The following DERA variants were observed in gnomAD, a reference collection of about 807,000 sequenced individuals.
The protein encoded by DERA is 2-deoxy-D-ribose 5-phosphate aldolase.
Under a neutral mutation model 41.1 loss-of-function variants are expected in DERA, and 15 were observed. The observed-to-expected ratio is 0.37, with a 90% CI of 0.24 to 0.56. DERA has a LOEUF of 0.56. Ranked by LOEUF, DERA falls within the 20% of genes least tolerant of loss-of-function variation. The pLI, the probability that DERA is intolerant of heterozygous loss-of-function variation, is 0.81. For missense variants in DERA, 396 were observed against 403.4 expected, an observed-to-expected ratio of 0.98 and a Z score of 0.16; for synonymous variants, 139 against 137.4, an observed-to-expected ratio of 1.01 and a Z score of -0.08.
At chr12:16,005,522 CT>C (rs1375470587) in intron 6 of DERA, among the ~76,000 whole-genome samples, 1 of 152,156 alleles carries the variant, frequency 6.6e-6, no homozygotes, top group Non-Finnish European at 1.5e-5. Flanking sequence ...GAACTATTTT[CT>C]GCTAAAACTG....
Position 15,984,040 on chromosome 12 carries a change from A to G in DERA, c.637+1604A>G, listed in dbSNP as rs934524469. ...GTAGCCCCCCTTTATGCTGCTTGCC[A>G]GCACAAGTGATTGTTAGCCCAGGTA... On this transcript the variant is annotated intron_variant, in intron 6 of 8. Transcript: ENST00000428559. The surrounding 1 kb of genome is among the most constrained non-coding windows in gnomAD (Gnocchi z 4.5). Among the ~76,000 whole-genome samples, 1 of 152,220 alleles carries G rather than the reference A, an allele frequency of 6.6e-6. No homozygotes were observed. Among genetic ancestry groups the G allele is most frequent in the African/African-American group, 2.4e-5 (1 of 41,452 alleles).
intron 5 of DERA, among the ~76,000 whole-genome samples, chr12:15,978,292 A>T (rs1428455944): frequency 6.6e-6 from 1 of 151,950 alleles, no homozygotes; most frequent in African/African-American, 2.4e-5. Context: ...GAAGTGGTCT[A>T]TTTTTTCTTA....
chr12:15,927,112 T>C (rs925203840), intron 1 of DERA, among the ~76,000 whole-genome samples: 2 of 152,238 alleles, frequency 1.3e-5, no homozygotes, highest in African/African-American at 4.8e-5. Context: ...ATAATTGATT[T>C]TGTTAAAGTT....
chr12:15,977,182 A>ACT (rs1948702923), intron 5 of DERA, among the ~76,000 whole-genome samples: 1 of 152,190 alleles, frequency 6.6e-6, no homozygotes, highest in Non-Finnish European at 1.5e-5. Context: ...TCAAGTGAGT[A>ACT]GTTTGAACTA....
In DERA at chr12:15,998,537, G is replaced by T. The variant is rs555762506; in HGVS notation, c.637+16101G>T. Among the ~76,000 whole-genome samples, 198 of 151,982 alleles carry T rather than the reference G, an allele frequency of 1.3e-3. 3 individuals are homozygous for T. Among genetic ancestry groups the T allele is most frequent in the African/African-American group, 4.7e-3 (195 of 41,434 alleles). On this transcript the variant is annotated intron_variant, in intron 6 of 8. Transcript: ENST00000428559. This position sits in a 1 kb window ranked among gnomAD's most constrained non-coding sequence, Gnocchi z 4.8. ...TCTTCATATTGGCCAGGCTGGTCTC[G>T]AACTCCTGACCTCAGGTGATCCGCC...
rs1948620539 is a variant in DERA, at chr12:15,966,069, T to C, written c.508+3122T>C. ...TCCCCAGCAACGTCCTCCTTTCTTC[T>C]CTTCCCTTCATGACTAAAATTCTGA... On this transcript the variant is annotated intron_variant, in intron 5 of 8. Coordinates refer to ENST00000428559, the MANE Select transcript of DERA (RefSeq NM_015954.4). This position sits in a 1 kb window ranked among gnomAD's most constrained non-coding sequence, Gnocchi z 5.1. Among the ~76,000 whole-genome samples, 1 of 152,174 alleles carries C rather than the reference T, an allele frequency of 6.6e-6. No homozygotes were observed. The highest frequency in any genetic ancestry group is 1.5e-5 in the Non-Finnish European group (1 of 68,022).
chr12:15,998,723 A>C lies in DERA; in HGVS notation c.637+16287A>C, dbSNP rs2136171724. On this transcript the variant is annotated intron_variant, in intron 6 of 8. Coordinates refer to ENST00000428559, the MANE Select transcript of DERA (RefSeq NM_015954.4). The surrounding 1 kb of genome is among the most constrained non-coding windows in gnomAD (Gnocchi z 4.8). ...TAGCATAGGCAGTCCACAGTTAACAAACCAATTGTTCTAGTAGTTATTTTC... is the reference window on the plus strand; with the variant it reads ...TAGCATAGGCAGTCCACAGTTAACACACCAATTGTTCTAGTAGTTATTTTC... 6.6e-6 allele frequency among the ~76,000 whole-genome samples: 1 copy of C among 152,146 alleles called. No individual in the cohort carries two copies. Among genetic ancestry groups the C allele is most frequent in the East Asian group, 1.9e-4 (1 of 5,170 alleles).
rs1948787936 is a variant in DERA at position 15,989,590 on chromosome 12, T to C, written c.637+7154T>C. Among the ~76,000 whole-genome samples, 1 of 152,218 alleles carries C rather than the reference T, an allele frequency of 6.6e-6. No individual in the cohort carries two copies. Among genetic ancestry groups the C allele is most frequent in the Non-Finnish European group, 1.5e-5 (1 of 68,048 alleles). On this transcript the variant is annotated intron_variant, in intron 6 of 8. Coordinates refer to ENST00000428559, the MANE Select transcript of DERA (RefSeq NM_015954.4). The surrounding 1 kb of genome is among the most constrained non-coding windows in gnomAD (Gnocchi z 5.2). ...TTTTTTAGTGCCTGAGTTTTATTGTTATTTATAGCAGGAGGGCGAGTCTGG... is the reference window on the plus strand; with the variant it reads ...TTTTTTAGTGCCTGAGTTTTATTGTCATTTATAGCAGGAGGGCGAGTCTGG...
In DERA at chr12:15,913,067, T is replaced by C. The variant is rs1183354930; in HGVS notation, c.31+1653T>C. Among the ~76,000 whole-genome samples, 3 of 152,238 alleles carry C rather than the reference T, an allele frequency of 2.0e-5. No individual in the cohort carries two copies. Among genetic ancestry groups the C allele is most frequent in the Non-Finnish European group, 4.4e-5 (3 of 68,034 alleles). ...ATTCCCAGGAATATGACCATGTGAC[T>C]ATGCATACATCAAGGATGTGCCCTA... On this transcript the variant is annotated intron_variant, in intron 1 of 8. Transcript: ENST00000428559. The surrounding 1 kb of genome is among the most constrained non-coding windows in gnomAD (Gnocchi z 4.5).
At position 15,936,154 on chromosome 12, in the gene DERA, T is replaced by A. The variant is rs540416503; in HGVS notation, c.32-20782T>A. Reference sequence around the variant, plus strand: ...GGTATTTCCACAATCTCCACTTGGTTACATAGGTCAGCTCTGTTAATTATG... The same window carrying A: ...GGTATTTCCACAATCTCCACTTGGTAACATAGGTCAGCTCTGTTAATTATG... On this transcript the variant is annotated intron_variant, in intron 1 of 8. Coordinates refer to ENST00000428559, the MANE Select transcript of DERA (RefSeq NM_015954.4). This position sits in a 1 kb window ranked among gnomAD's most constrained non-coding sequence, Gnocchi z 4.6. Among the ~76,000 whole-genome samples, 6 of 152,358 alleles carry A rather than the reference T, an allele frequency of 3.9e-5. No homozygotes were observed. The South Asian group carries it at 1.0e-3, about 26-fold the overall frequency.
chr12:15,944,673 G>A (rs1035844677), intron 1 of DERA, among the ~76,000 whole-genome samples: 2 of 152,190 alleles, frequency 1.3e-5, no homozygotes, highest in African/African-American at 2.4e-5. Context: ...CTCCCATTCT[G>A]TAGGTTGCCT....
chr12:15,962,622 T>G (rs1948595342), intron 4 of DERA, 191 bp from the exon 5 acceptor site: 1 of 473,780 alleles, frequency 2.1e-6, no homozygotes, highest in East Asian at 3.2e-5. Flanking sequence ...ACATTCAATT[T>G]CTTCACACTT....
intron 4 of DERA, among the ~76,000 whole-genome samples, chr12:15,961,434 G>C (rs546910756): frequency 7.2e-5 from 11 of 152,222 alleles, no homozygotes; most frequent in Admixed American, 2.6e-4. Flanking sequence ...CAACACTTTG[G>C]GGGGGCTCAG....
intron 1 of DERA, chr12:15,951,457 G>C (rs899522697): frequency 2.6e-5 from 4 of 152,206 alleles, no homozygotes; most frequent in African/African-American, 9.7e-5. Context: ...AAATGCCCCA[G>C]GTAGGTGTTG....
At chr12:15,945,572 A>G (rs1385066466) in intron 1 of DERA, among the ~76,000 whole-genome samples, 3 of 152,170 alleles carry the variant, frequency 2.0e-5, no homozygotes. Context: ...TTGCACATTG[A>G]TTTTGTATCC....
In DERA at chr12:15,990,721, T is replaced by G. The variant is rs895445861; in HGVS notation, c.637+8285T>G. The stretch of plus-strand genomic sequence containing the variant: ...TTTGGTATTTGGTTTTCTGTTCCCG[T>G]GTTAGTTTGCTAAGGATAATGGCCT... On this transcript the variant is annotated intron_variant, in intron 6 of 8. Transcript: ENST00000428559. This position sits in a 1 kb window ranked among gnomAD's most constrained non-coding sequence, Gnocchi z 4.3. Among the ~76,000 whole-genome samples the G allele has an allele frequency of 4.6e-5, 7 of 152,144 alleles. No individual in the cohort carries two copies. Among genetic ancestry groups the G allele is most frequent in the Non-Finnish European group, 8.8e-5 (6 of 68,010 alleles).
intron 1 of DERA, among the ~76,000 whole-genome samples, chr12:15,951,962 C>T (rs1055922111): frequency 1.9e-4 from 29 of 151,418 alleles, no homozygotes; most frequent in African/African-American, 7.0e-4. Context: ...AGTACAGTGG[C>T]GCAATCTCAG....
At chr12:15,912,842 T>C (rs1295522803) in intron 1 of DERA, among the ~76,000 whole-genome samples, 1 of 152,180 alleles carries the variant, frequency 6.6e-6, no homozygotes, top group African/African-American at 2.4e-5. Context: ...GGTAAGAGAG[T>C]AAATCTATCA....
rs1592033609 is a variant in DERA at position 15,982,620 on chromosome 12, C to T, written c.637+184C>T. 6.6e-6 allele frequency among the ~76,000 whole-genome samples: 1 copy of T among 152,200 alleles called. No individual in the cohort carries two copies. The highest frequency in any genetic ancestry group is 1.9e-4 in the East Asian group (1 of 5,182). On this transcript the variant is annotated intron_variant, in intron 6 of 8. Coordinates refer to ENST00000428559, the MANE Select transcript of DERA (RefSeq NM_015954.4). This position sits in a 1 kb window ranked among gnomAD's most constrained non-coding sequence, Gnocchi z 4.0. ...TGGTCAAAAACTCCTGGCTTTCTTC[C>T]ACATTTTTTTTTGTGTGTGTGTGGC... is the stretch of plus-strand genomic sequence containing the variant.
Sources: allele counts gnomAD v4.1 joint callset (sites outside exome capture counted in the v4.1 genomes callset), GRCh38; gene constraint gnomAD v4.1.1; non-coding constraint Gnocchi (gnomAD v3.1); transcripts MANE v1.5; gene names NCBI Gene and HGNC (gene_info 2026-07-23, HGNC 2026-07-21).